The following FHOD3 variants were observed in gnomAD, a reference collection of about 807,000 sequenced individuals.
FHOD3 encodes the protein formin homology 2 domain containing 3, also known as FH1/FH2 domain-containing protein 3.
FHOD3 carries 90 observed loss-of-function variants against 173.0 expected under a neutral mutation model. The observed-to-expected ratio is 0.52, with a 90% CI of 0.44 to 0.62. The LOEUF is 0.62. FHOD3 is among the 20% of genes least tolerant of loss of function. FHOD3 has a pLI of 0.00. For missense variants in FHOD3, 1,945 were observed against 2,034.7 expected (o/e 0.96, Z 0.85); for synonymous variants, 828 against 823.0 (o/e 1.01, Z -0.10).
rs117395989 is a variant in FHOD3 at position 36,424,204 on chromosome 18, G to A, written c.337+51460G>A. 2.5e-3 allele frequency among the ~76,000 whole-genome samples: 384 copies of A among 152,144 alleles called. 7 individuals are homozygous for A. In the East Asian group the frequency reaches 0.057, roughly 22 times the overall value. ...CCATCCCACAATTACAAGCCTTTCC[G>A]ATGCCCACTTCCACAAGCACACTTT... On this transcript the variant is annotated intron_variant, in intron 3 of 28. Transcript: ENST00000590592.
In FHOD3 at chr18:36,718,205, G is replaced by A. The variant is rs73949877; in HGVS notation, c.2907G>A (p.Pro969=). Residue 969 remains proline (P), a synonymous_variant, in exon 19 of 29, where the codon CCG becomes CCA. Transcript: ENST00000590592. ...EPNDKVPETA[P]VQPKTESDYI... ...ATGACAAGGTCCCAGAAACAGCGCCGGTGCAGCCGAAGACAGAGTCTGATT... is the reference window on the plus strand; with the variant it reads ...ATGACAAGGTCCCAGAAACAGCGCCAGTGCAGCCGAAGACAGAGTCTGATT... The A allele has an allele frequency of 6.0e-4, 972 of 1,614,036 alleles. 6 individuals are homozygous for A. The African/African-American group carries it at 0.011, about 18-fold the overall frequency.
chr18:36,450,155 G>A lies in FHOD3; in HGVS notation c.338-51777G>A, dbSNP rs541046107. 3.9e-5 allele frequency among the ~76,000 whole-genome samples: 6 copies of A among 152,272 alleles called. No individual in the cohort carries two copies. In the East Asian group the frequency reaches 5.8e-4, roughly 15 times the overall value. On this transcript the variant is annotated intron_variant, in intron 3 of 28. Transcript: ENST00000590592. ...CTCATAGCTTAGCTCCCACCTATGA[G>A]TGAGAACATACGATGTTTGGTTTTC...
chr18:36,582,629 C>G (rs1439547406), intron 6 of FHOD3, among the ~76,000 whole-genome samples: 5 of 152,214 alleles, frequency 3.3e-5, no homozygotes, highest in Admixed American at 2.0e-4. Flanking sequence ...CATGTGAACC[C>G]TGTCCAAGCT....
chr18:36,430,523 A>G (rs1482142580), intron 3 of FHOD3, among the ~76,000 whole-genome samples: 1 of 152,224 alleles, frequency 6.6e-6, no homozygotes, highest in Non-Finnish European at 1.5e-5. Context: ...AGCCAAACAA[A>G]TTTTTAAAAT....
At chr18:36,546,014 A>G (rs1464871883) in intron 5 of FHOD3, among the ~76,000 whole-genome samples, 2 of 152,232 alleles carry the variant, frequency 1.3e-5, no homozygotes, top group Non-Finnish European at 2.9e-5. Flanking sequence ...CCGTTTGGAA[A>G]ACAACCAGTA....
intron 5 of FHOD3, among the ~76,000 whole-genome samples, chr18:36,573,055 G>A (rs970830537): frequency 3.3e-5 from 5 of 152,116 alleles, no homozygotes; most frequent in Admixed American, 6.5e-5. Flanking sequence ...TCTGCAGGAG[G>A]GTGGGGGTGG....
rs532511286 is a variant in FHOD3 at position 36,407,384 on chromosome 18, C to T, written c.337+34640C>T. Among the ~76,000 whole-genome samples the T allele has an allele frequency of 5.3e-5, 8 of 152,310 alleles. 1 individual carries two copies. Among genetic ancestry groups the T allele is most frequent in the South Asian group, 4.1e-4 (2 of 4,820 alleles). On this transcript the variant is annotated intron_variant, in intron 3 of 28. Coordinates refer to ENST00000590592, the MANE Select transcript of FHOD3 (RefSeq NM_001281740.3). ...CACCAACATGCTCCCTGCTGTCTGC[C>T]GGTGCTTGTGAGCACTAATGATGGT...
intron 28 of FHOD3, among the ~76,000 whole-genome samples, chr18:36,771,185 G>A (rs1002253965): frequency 6.6e-6 from 1 of 152,084 alleles, no homozygotes; most frequent in African/African-American, 2.4e-5. Context: ...AGATTTATGG[G>A]CCCCCTTTCT....
intron 2 of FHOD3, among the ~76,000 whole-genome samples, chr18:36,357,092 T>A (rs2046396310): frequency 6.6e-6 from 1 of 152,204 alleles, no homozygotes; most frequent in Admixed American, 6.5e-5. Flanking sequence ...TTGCCCGAGT[T>A]AAAAATATGG....
chr18:36,361,556 C>T (rs1010792445), intron 2 of FHOD3, among the ~76,000 whole-genome samples: 2 of 151,608 alleles, frequency 1.3e-5, no homozygotes, highest in Non-Finnish European at 2.9e-5. Flanking sequence ...CGTGGTGGCA[C>T]GTGCTTGTAG....
intron 3 of FHOD3, among the ~76,000 whole-genome samples, chr18:36,381,805 GGAA>G (rs2047806075): frequency 6.6e-6 from 1 of 152,208 alleles, no homozygotes; most frequent in African/African-American, 2.4e-5. Context: ...CCTGTTCTCA[GGAA>G]GAAGAATACA....
chr18:36,770,535 TTTCC>T (rs2043331946), intron 28 of FHOD3, among the ~76,000 whole-genome samples: 1 of 152,174 alleles, frequency 6.6e-6, no homozygotes, highest in Non-Finnish European at 1.5e-5. Context: ...GATGAGAATT[TTTCC>T]CCAGAAAGGA....
chr18:36,673,719 G>T (rs1406365248), intron 14 of FHOD3, among the ~76,000 whole-genome samples: 1 of 152,162 alleles, frequency 6.6e-6, no homozygotes, highest in African/African-American at 2.4e-5. Context: ...CTAACCCAAG[G>T]TCAGGTGGGG....
At chr18:36,618,090 A>AT (rs938601157) in intron 9 of FHOD3, among the ~76,000 whole-genome samples, 7 of 147,724 alleles carry the variant, frequency 4.7e-5, no homozygotes, top group Non-Finnish European at 1.1e-4. Context: ...TATTTTGTTG[A>AT]TTTTTTTTCA....
Position 36,780,068 on chromosome 18 carries a change from T to A in FHOD3, c.*538T>A. 2 of 1,103,522 alleles carry A rather than the reference T, an allele frequency of 1.8e-6. No homozygotes were observed. Among genetic ancestry groups the A allele is most frequent in the Non-Finnish European group, 2.3e-6 (2 of 870,470 alleles). The allele number at this position is 1,103,522 out of a possible 1,614,324, so 68.4% of individuals were successfully genotyped here. A position where few individuals can be genotyped will look rare whatever the true frequency, so the allele number is the denominator to read the frequency against. ...AGAGTTTAATGCCATAATGAGAAAC[T>A]TTTATTCTTCTGGGAACAGGACCTT... On this transcript the variant is annotated 3_prime_UTR_variant, in exon 29 of 29. Transcript: ENST00000590592.
At chr18:36,686,200 C>T (rs369715819) in intron 15 of FHOD3, among the ~76,000 whole-genome samples, 7 of 151,918 alleles carry the variant, frequency 4.6e-5, no homozygotes, top group African/African-American at 1.7e-4. Flanking sequence ...ATGGAATCAA[C>T]CCAAATGCCC....
At chr18:36,394,392 A>C (rs1160754011) in intron 3 of FHOD3, among the ~76,000 whole-genome samples, 1 of 152,210 alleles carries the variant, frequency 6.6e-6, no homozygotes, top group Non-Finnish European at 1.5e-5. Flanking sequence ...TGGAAATGGC[A>C]TATAGAATTA....
intron 3 of FHOD3, among the ~76,000 whole-genome samples, chr18:36,427,286 T>TAA (rs35854743): frequency 0.018 from 1,443 of 79,450 alleles, 41 homozygotes; most frequent in African/African-American, 0.033. Context: ...CTTGCTTCTC[T>TAA]AAAAAAAAAA....
chr18:36,740,858 G>A lies in FHOD3; in HGVS notation c.3759+20G>A. 23 of 1,599,350 alleles carry A rather than the reference G, an allele frequency of 1.4e-5. No individual in the cohort carries two copies. The highest frequency in any genetic ancestry group is 1.9e-5 in the Non-Finnish European group (22 of 1,174,808). ...GAAAAGGTAAGCTCTCTGTAAGAGA[G>A]GCCGCTGATCCCACATCCACAGTGT... On this transcript the variant is annotated intron_variant, in intron 21 of 28. Coordinates refer to ENST00000590592, the MANE Select transcript of FHOD3 (RefSeq NM_001281740.3).
Sources: gnomAD v4.1 joint callset for allele counts (sites outside exome capture counted in the v4.1 genomes callset) on GRCh38, gnomAD v4.1.1 for gene constraint, MANE v1.5 for transcripts, NCBI Gene and HGNC (gene_info 2026-07-23, HGNC 2026-07-21) for gene names.